QTMAN: variants seen among roughly 807,000 people sequenced by gnomAD.
QTMAN encodes tRNA-queuosine alpha-mannosyltransferase.
chr2:144,137,887 C>T, the QTMAN span, among the ~76,000 whole-genome samples: 5 of 152,084 alleles, frequency 3.3e-5, no homozygotes, highest in Admixed American at 6.6e-5. Flanking sequence ...AATTCAAGGA[C>T]GCTTTTTAGT....
chr2:143,982,572 T>C, the QTMAN span, among the ~76,000 whole-genome samples: 1 of 151,130 alleles, frequency 6.6e-6, no homozygotes, highest in Admixed American at 6.6e-5. Context: ...AAAGAATAGA[T>C]AGCAGAGGCT....
the QTMAN span, among the ~76,000 whole-genome samples, chr2:144,047,479 A>C: frequency 5.3e-5 from 8 of 152,148 alleles, no homozygotes; most frequent in African/African-American, 1.9e-4. Flanking sequence ...TTTTAGTGAC[A>C]AGGCATCAGG....
chr2:144,107,401 A>C, the QTMAN span, among the ~76,000 whole-genome samples: 1 of 152,212 alleles, frequency 6.6e-6, no homozygotes, highest in Admixed American at 6.5e-5. Flanking sequence ...AAATAGACAC[A>C]ATAAAAAATG....
At chr2:144,295,582 CAGTT>C in the QTMAN span, among the ~76,000 whole-genome samples, 3 of 152,066 alleles carry the variant, frequency 2.0e-5, no homozygotes, top group Non-Finnish European at 2.9e-5. Flanking sequence ...AATAAGAAAA[CAGTT>C]AGCCAGCTCC....
At chr2:144,300,658 A>G in the QTMAN span, among the ~76,000 whole-genome samples, 4 of 152,240 alleles carry the variant, frequency 2.6e-5, no homozygotes, top group Non-Finnish European at 5.9e-5. Flanking sequence ...AATTTAAGAT[A>G]TACATAATAT....
chr2:144,249,052 G>T, the QTMAN span, among the ~76,000 whole-genome samples: 3 of 152,126 alleles, frequency 2.0e-5, no homozygotes, highest in African/African-American at 4.8e-5. Context: ...TTTGGATTAG[G>T]ATTATTTCTC....
At chr2:144,189,809 A>G in the QTMAN span, among the ~76,000 whole-genome samples, 75 of 152,070 alleles carry the variant, frequency 4.9e-4, no homozygotes, top group Non-Finnish European at 9.3e-4. Flanking sequence ...TTTAGTAGAG[A>G]TGGGGTTTCA....
chr2:144,182,883 ATTTTAT>A, the QTMAN span, among the ~76,000 whole-genome samples: 3 of 80,728 alleles, frequency 3.7e-5, no homozygotes, highest in African/African-American at 5.9e-5. Context: ...TTATATATAT[ATTTTAT>A]ATATATATAT....
chr2:144,326,756 A>C, the QTMAN span, among the ~76,000 whole-genome samples: 1 of 152,220 alleles, frequency 6.6e-6, no homozygotes, highest in Non-Finnish European at 1.5e-5. Flanking sequence ...ATCACCTGCT[A>C]TATGTACTGA....
At chr2:144,171,476 A>G in the QTMAN span, among the ~76,000 whole-genome samples, 1 of 152,166 alleles carries the variant, frequency 6.6e-6, no homozygotes, top group Non-Finnish European at 1.5e-5. Context: ...CCTTGATCCT[A>G]CTGGTGTCAA....
chr2:144,000,703 G>A, the QTMAN span, among the ~76,000 whole-genome samples: 1 of 151,992 alleles, frequency 6.6e-6, no homozygotes, highest in African/African-American at 2.4e-5. Context: ...TTAGAGATCA[G>A]AACACGTAAG....
chr2:144,116,186 TA>T, the QTMAN span, among the ~76,000 whole-genome samples: 376 of 150,540 alleles, frequency 2.5e-3, 2 homozygotes, highest in African/African-American at 8.5e-3. Context: ...CTAGTAAATT[TA>T]AAAAAAAATC....
chr2:144,278,806 C>T, the QTMAN span, among the ~76,000 whole-genome samples: 1 of 151,906 alleles, frequency 6.6e-6, no homozygotes, highest in East Asian at 1.9e-4. Context: ...TATAGTATGC[C>T]CTGTAGAGTC....
the QTMAN span, among the ~76,000 whole-genome samples, chr2:143,974,186 A>G: frequency 2.6e-5 from 4 of 152,194 alleles, no homozygotes; most frequent in East Asian, 7.7e-4. Flanking sequence ...ATTTGCTACA[A>G]CCATATTTGC....
the QTMAN span, among the ~76,000 whole-genome samples, chr2:144,066,157 CT>C: frequency 3.3e-5 from 5 of 150,466 alleles, no homozygotes; most frequent in African/African-American, 7.3e-5. Context: ...TCTTCCTTTT[CT>C]TTTTTTTTCT....
chr2:143,941,343 C>T, the QTMAN span: 2 of 152,092 alleles, frequency 1.3e-5, no homozygotes, highest in African/African-American at 4.8e-5. Context: ...GAATGCCTCC[C>T]TAAAGGGAGA....
the QTMAN span, among the ~76,000 whole-genome samples, chr2:144,114,969 T>C: frequency 1.3e-5 from 2 of 152,136 alleles, no homozygotes; most frequent in African/African-American, 4.8e-5. Flanking sequence ...TGACTCATGA[T>C]TGTAATCCCA....
At chr2:144,228,428 C>A in the QTMAN span, among the ~76,000 whole-genome samples, 1 of 152,076 alleles carries the variant, frequency 6.6e-6, no homozygotes. Flanking sequence ...ATAGTTATTA[C>A]AAGATTTTTA....
At chr2:143,969,132 G>T in the QTMAN span, among the ~76,000 whole-genome samples, 3 of 152,126 alleles carry the variant, frequency 2.0e-5, no homozygotes, top group African/African-American at 4.8e-5. Context: ...TCATCATTGA[G>T]GTTTTTCTCT....
Sources: gnomAD v4.1 joint callset for allele counts (sites outside exome capture counted in the v4.1 genomes callset) on GRCh38, gnomAD v4.1.1 for gene constraint, MANE v1.5 for transcripts, NCBI Gene and HGNC (gene_info 2026-07-23, HGNC 2026-07-21) for gene names.